FRMPD4: variants seen among roughly 807,000 people sequenced by gnomAD.
The protein encoded by FRMPD4 is FERM and PDZ domain containing 4.
In FRMPD4, 22 loss-of-function variants were observed where a neutral mutation model predicts 94.1. That is an observed-to-expected ratio of 0.23 (90% CI 0.17 to 0.33). FRMPD4 has a LOEUF of 0.33. Among genes scored for constraint, FRMPD4 ranks in the 10% least tolerant of loss-of-function variants. FRMPD4 has a pLI of 1.00. For missense variants in FRMPD4, 1,111 were observed against 1,339.9 expected, an observed-to-expected ratio of 0.83 and a Z score of 2.67; for synonymous variants, 631 against 548.6, an observed-to-expected ratio of 1.15 and a Z score of -2.10.
intron 3 of FRMPD4, among the ~76,000 whole-genome samples, chrX:11,885,138 A>G (rs2053838856): frequency 8.9e-6 from 1 of 112,208 alleles, no homozygotes; most frequent in African/African-American, 3.2e-5. Context: ...AGTGTCCATC[A>G]GTGGATAAAT....
intron 1 of FRMPD4, among the ~76,000 whole-genome samples, chrX:12,237,567 G>A (rs1400173290): frequency 8.9e-6 from 1 of 112,277 alleles, no homozygotes; most frequent in East Asian, 2.8e-4. Context: ...TTCAGAAAGA[G>A]AGGCTATGTT....
intron 1 of FRMPD4, among the ~76,000 whole-genome samples, chrX:12,435,826 G>A (rs775148180): frequency 9.0e-6 from 1 of 111,587 alleles, no homozygotes; most frequent in South Asian, 3.8e-4. Context: ...CCTAGTGGGA[G>A]TTTTTGTAGG....
chrX:12,041,479 T>C (rs573894885), intron 3 of FRMPD4, among the ~76,000 whole-genome samples: 3 of 109,690 alleles, frequency 2.7e-5, no homozygotes, highest in African/African-American at 1.0e-4. Flanking sequence ...GAATATGTCA[T>C]ATACTTCCTT....
chrX:12,442,182 T>C, intron 1 of FRMPD4, among the ~76,000 whole-genome samples: 1 of 34,776 alleles, frequency 2.9e-5, no homozygotes, highest in East Asian at 7.3e-4. Context: ...TGATAAAATA[T>C]ATGGTTGGTT....
chrX:12,708,331 G>T (rs1020513048), intron 13 of FRMPD4, among the ~76,000 whole-genome samples: 1 of 109,964 alleles, frequency 9.1e-6, no homozygotes, highest in African/African-American at 3.3e-5. Context: ...TTAGCCGGGC[G>T]TGGTGGCGTG....
At chrX:12,374,747 G>A (rs978523171) in intron 1 of FRMPD4, among the ~76,000 whole-genome samples, 9 of 111,413 alleles carry the variant, frequency 8.1e-5, no homozygotes. Flanking sequence ...GTTGATGGGT[G>A]GTGCTGTTTC....
At chrX:12,123,294 T>G (rs1266738528) in intron 3 of FRMPD4, among the ~76,000 whole-genome samples, 1 of 110,535 alleles carries the variant, frequency 9.0e-6, no homozygotes, top group Non-Finnish European at 1.9e-5. Flanking sequence ...TGTGCCAGTA[T>G]GCCTGGCTAA....
Position 12,591,015 on chromosome X carries a change from G to T in FRMPD4, c.159-18706G>T, listed in dbSNP as rs781182334. 2.7e-5 allele frequency among the ~76,000 whole-genome samples: 3 copies of T among 111,758 alleles called. No individual in the cohort carries two copies. The South Asian group carries it at 1.1e-3, about 43-fold the overall frequency. Reference sequence around the variant, plus strand: ...GCTCTATCATTTTTGCAAATGTGATGATTTCACATATACAGTTGACCCTTG... The same window carrying T: ...GCTCTATCATTTTTGCAAATGTGATTATTTCACATATACAGTTGACCCTTG... On this transcript the variant is annotated intron_variant, in intron 2 of 16. Transcript: ENST00000675598.
At chrX:12,720,420 C>G in intron 16 of FRMPD4, 114 bp from the exon 17 acceptor site, 7 of 758,275 alleles carry the variant, frequency 9.2e-6, no homozygotes, top group African/African-American at 2.1e-5. Flanking sequence ...GCATCGGCAG[C>G]CCTTCCAGAC....
intron 1 of FRMPD4, among the ~76,000 whole-genome samples, chrX:12,277,077 C>T (rs1349031736): frequency 4.0e-5 from 4 of 99,528 alleles, no homozygotes; most frequent in Non-Finnish European, 8.1e-5. Context: ...GCCGAGATCC[C>T]GCCACTGCAC....
chrX:11,930,545 TCTC>T (rs780858729), intron 3 of FRMPD4, among the ~76,000 whole-genome samples: 3 of 111,192 alleles, frequency 2.7e-5, no homozygotes, highest in South Asian at 3.8e-4. Flanking sequence ...AAGGAAGAAT[TCTC>T]CTCTAGAATT....
chrX:12,559,617 T>C lies in FRMPD4; in HGVS notation c.159-50104T>C, dbSNP rs1388957745. Among the ~76,000 whole-genome samples the C allele has an allele frequency of 3.0e-5, 3 of 99,030 alleles. No homozygotes were observed. In the Admixed American group the frequency reaches 3.5e-4, roughly 11 times the overall value. The allele number at this position is 99,030 out of a possible 115,157, so 86.0% of individuals were successfully genotyped here. On this transcript the variant is annotated intron_variant, in intron 2 of 16. Transcript: ENST00000675598. ...GTGAGCCGAGATAGTGCCATTACAC[T>C]CCAGCCGAGGTGATAGAGTGAGACT...
chrX:12,720,585 C>G lies in FRMPD4; in HGVS notation c.4016C>G (p.Ser1339Cys). The change falls in exon 17 of 17, where the codon TCT becomes TGT. Residue 1339 changes from serine to cysteine, a missense_variant. By Grantham distance (112) the Ser-to-Cys change is moderately radical. Coordinates refer to ENST00000675598, the MANE Select transcript of FRMPD4 (RefSeq NM_001368397.1). ...CGAGGAGGCATGCCTTCAGCTTGGTCTCAACATCCTGAAGCTGATCCCATC... is the reference window on the plus strand; with the variant it reads ...CGAGGAGGCATGCCTTCAGCTTGGTGTCAACATCCTGAAGCTGATCCCATC... ...ERRGGMPSAW[S>C]QHPEADPILL... The G allele has an allele frequency of 8.3e-7, 1 of 1,202,963 alleles. No homozygotes were observed. Among genetic ancestry groups the G allele is most frequent in the African/African-American group, 1.7e-5 (1 of 57,355 alleles).
chrX:11,881,903 A>G (rs781045947), intron 3 of FRMPD4, among the ~76,000 whole-genome samples: 2 of 111,898 alleles, frequency 1.8e-5, no homozygotes, highest in South Asian at 7.5e-4. Context: ...TAAGACTAAG[A>G]CATACCAAGA....
intron 1 of FRMPD4, among the ~76,000 whole-genome samples, chrX:12,474,273 A>G (rs2057561453): frequency 9.0e-6 from 1 of 111,409 alleles, no homozygotes; most frequent in Non-Finnish European, 1.9e-5. Flanking sequence ...GAGAACAAAG[A>G]CACAACCTAC....
chrX:12,655,915 T>C (rs1276427764), intron 4 of FRMPD4, among the ~76,000 whole-genome samples: 1 of 112,294 alleles, frequency 8.9e-6, no homozygotes, highest in African/African-American at 3.2e-5. Flanking sequence ...GCTACTTAGT[T>C]TGAGTGAGTT....
chrX:12,033,623 C>A (rs913520682), intron 3 of FRMPD4, among the ~76,000 whole-genome samples: 4 of 111,729 alleles, frequency 3.6e-5, no homozygotes, highest in African/African-American at 1.3e-4. Context: ...TAATGGCAAG[C>A]AGGTGGGAAG....
intron 3 of FRMPD4, among the ~76,000 whole-genome samples, chrX:11,998,383 AG>A (rs1233648564): frequency 1.8e-5 from 2 of 111,533 alleles, no homozygotes. Flanking sequence ...GCAGAACCAA[AG>A]GTTTTCTTTG....
intron 1 of FRMPD4, among the ~76,000 whole-genome samples, chrX:12,185,496 T>C (rs1481001123): frequency 1.8e-5 from 2 of 111,092 alleles, no homozygotes; most frequent in Admixed American, 9.6e-5. Context: ...AAACTTCTCT[T>C]CCACTATTAG....
Sources: allele counts gnomAD v4.1 joint callset (sites outside exome capture counted in the v4.1 genomes callset), GRCh38; gene constraint gnomAD v4.1.1; transcripts MANE v1.5; gene names NCBI Gene and HGNC (gene_info 2026-07-23, HGNC 2026-07-21).